FAM20A: variants seen among roughly 807,000 people sequenced by gnomAD.
The protein encoded by FAM20A is FAM20A golgi associated secretory pathway pseudokinase, also known as pseudokinase FAM20A.
FAM20A carries 42 observed loss-of-function variants against 52.0 expected under a neutral mutation model. That is an observed-to-expected ratio of 0.81 (90% CI 0.63 to 1.04). The LOEUF (loss-of-function observed/expected upper bound fraction) is 1.04. Among genes scored for constraint, FAM20A ranks in the 50% least tolerant of loss-of-function variants. The pLI is 0.00. For missense variants in FAM20A, 742 were observed against 712.7 expected (o/e 1.04, Z -0.47); for synonymous variants, 304 against 298.9 (o/e 1.02, Z -0.18).
At chr17:68,563,307 A>G (rs1006312153) in intron 1 of FAM20A, among the ~76,000 whole-genome samples, 1 of 148,810 alleles carries the variant, frequency 6.7e-6, no homozygotes, top group African/African-American at 2.5e-5. Context: ...AATTGCTTGA[A>G]CTCGGGAGGC....
chr17:68,588,930 C>A (rs951745200), intron 1 of FAM20A, among the ~76,000 whole-genome samples: 9 of 152,238 alleles, frequency 5.9e-5, no homozygotes, highest in Admixed American at 4.6e-4. Context: ...CACTGCTGGA[C>A]AACTCACCAG....
Position 68,600,720 on chromosome 17 carries a change from G to C in FAM20A, c.-54C>G, listed in dbSNP as rs1342425135. ...GCAGGCCGGCTGTCTCCGGGGTCCC[G>C]GGAGGGGTCGCGGGGTGCGGGCAGA... is the stretch of plus-strand genomic sequence containing the variant. On this transcript the variant is annotated 5_prime_UTR_variant, in exon 1 of 11. Coordinates refer to ENST00000592554, the MANE Select transcript of FAM20A (RefSeq NM_017565.4). The surrounding 1 kb of genome is among the most constrained non-coding windows in gnomAD (Gnocchi z 6.2). 1 of 1,514,426 alleles carries C rather than the reference G, an allele frequency of 6.6e-7. No homozygotes were observed. Among genetic ancestry groups the C allele is most frequent in the Non-Finnish European group, 8.8e-7 (1 of 1,137,110 alleles). The allele number at this position is 1,514,426 out of a possible 1,614,324, so 93.8% of individuals were successfully genotyped here.
chr17:68,535,325 T>C lies in FAM20A; in HGVS notation c.*2152A>G. The C allele has an allele frequency of 2.2e-6, 1 of 454,108 alleles. No homozygotes were observed. Among genetic ancestry groups the C allele is most frequent in the Non-Finnish European group, 4.4e-6 (1 of 226,788 alleles). The allele number at this position is 454,108 out of a possible 1,614,324, so 28.1% of individuals were successfully genotyped here. A position where few individuals can be genotyped will look rare whatever the true frequency, so the allele number is the denominator to read the frequency against. On this transcript the variant is annotated 3_prime_UTR_variant, in exon 11 of 11. Coordinates refer to ENST00000592554, the MANE Select transcript of FAM20A (RefSeq NM_017565.4). ...CATATCATGGTGAAATTCAAGCCTA[T>C]TGCTTTCTGTTTGTAGAGTGCAGCA...
intron 1 of FAM20A, among the ~76,000 whole-genome samples, chr17:68,560,330 C>T (rs1197151786): frequency 1.5e-5 from 2 of 135,572 alleles, no homozygotes; most frequent in African/African-American, 2.9e-5. Context: ...GGCGACAGAG[C>T]GAAACTCCAT....
chr17:68,573,434 CTCTT>C (rs201984571), intron 1 of FAM20A, among the ~76,000 whole-genome samples: 13,490 of 135,628 alleles, frequency 0.099, 1,225 homozygotes, highest in African/African-American at 0.25. Context: ...TCTTTCCTTT[CTCTT>C]TCTTTCTTTC....
chr17:68,544,146 G>A (rs1273687396), intron 4 of FAM20A, among the ~76,000 whole-genome samples: 1 of 152,174 alleles, frequency 6.6e-6, no homozygotes, highest in East Asian at 1.9e-4. Flanking sequence ...CCAGGAATTG[G>A]TAATGGAAAA....
Position 68,536,042 on chromosome 17 carries a change from A to G in FAM20A, c.*1435T>C, listed in dbSNP as rs911687181. The G allele has an allele frequency of 2.2e-6, 1 of 453,990 alleles. No homozygotes were observed. Among genetic ancestry groups the G allele is most frequent in the Non-Finnish European group, 4.4e-6 (1 of 226,810 alleles). The allele number at this position is 453,990 out of a possible 1,614,324, so 28.1% of individuals were successfully genotyped here. A position where few individuals can be genotyped will look rare whatever the true frequency, so the allele number is the denominator to read the frequency against. On this transcript the variant is annotated 3_prime_UTR_variant, in exon 11 of 11. Transcript: ENST00000592554. ...CTTCTGTAGCGTTGGTGAGTGCCTC[A>G]CCTGGTCAGATCTCAGTGAATGGTA...
chr17:68,551,600 C>T (rs1164006991), intron 4 of FAM20A, among the ~76,000 whole-genome samples: 1 of 151,924 alleles, frequency 6.6e-6, no homozygotes, highest in East Asian at 1.9e-4. Context: ...GGCTCATAAG[C>T]TTGCCCGTGA....
At chr17:68,558,795 G>A (rs2087127880) in intron 1 of FAM20A, among the ~76,000 whole-genome samples, 1 of 149,798 alleles carries the variant, frequency 6.7e-6, no homozygotes, top group Admixed American at 6.7e-5. Context: ...TTTTGCTCTT[G>A]TTGCCTAGGC....
chr17:68,565,664 G>A (rs1283572049), intron 1 of FAM20A, among the ~76,000 whole-genome samples: 1 of 152,066 alleles, frequency 6.6e-6, no homozygotes, highest in Non-Finnish European at 1.5e-5. Context: ...AAAGTGCTGG[G>A]ATTACAGGCA....
In FAM20A at chr17:68,554,758, G is replaced by T. The variant is rs1304647486; in HGVS notation, c.640+19C>A. 1.2e-6 allele frequency: 2 copies of T among 1,612,290 alleles called. No homozygotes were observed. Among genetic ancestry groups the T allele is most frequent in the African/African-American group, 1.3e-5 (1 of 74,620 alleles). On this transcript the variant is annotated intron_variant, in intron 3 of 10. Transcript: ENST00000592554. ...GTGAGGGTGAAGAGGCTGGGTGGGG[G>T]TGGGGCTAGGTCACTTACTCTGGGT... is the stretch of plus-strand genomic sequence containing the variant.
intron 1 of FAM20A, among the ~76,000 whole-genome samples, chr17:68,583,370 G>A (rs2088068823): frequency 6.6e-6 from 1 of 152,102 alleles, no homozygotes; most frequent in Non-Finnish European, 1.5e-5. Flanking sequence ...GGGACTCTAG[G>A]AGAAAGCCCC....
chr17:68,572,006 ATAT>A (rs1355742693), intron 1 of FAM20A, among the ~76,000 whole-genome samples: 3 of 40,292 alleles, frequency 7.4e-5, no homozygotes, highest in African/African-American at 2.7e-4. Flanking sequence ...ATATATATAT[ATAT>A]ATATATATAT....
Position 68,600,709 on chromosome 17 carries a change from T to TC in FAM20A, c.-44dup, listed in dbSNP as rs2088601332. On this transcript the variant is annotated 5_prime_UTR_variant, in exon 1 of 11. Coordinates refer to ENST00000592554, the MANE Select transcript of FAM20A (RefSeq NM_017565.4). This position sits in a 1 kb window ranked among gnomAD's most constrained non-coding sequence, Gnocchi z 6.2. ...GGACGCCGGGGGCAGGCCGGCTGTC[T>TC]CCGGGGTCCCGGGAGGGGTCGCGGG... 3 of 1,522,840 alleles carry TC rather than the reference T, an allele frequency of 2.0e-6. No individual in the cohort carries two copies. The Admixed American group carries it at 6.0e-5, about 30-fold the overall frequency. The allele number at this position is 1,522,840 out of a possible 1,614,324, so 94.3% of individuals were successfully genotyped here.
intron 1 of FAM20A, among the ~76,000 whole-genome samples, chr17:68,562,102 G>T (rs1266544853): frequency 1.3e-5 from 2 of 152,210 alleles, no homozygotes; most frequent in African/African-American, 4.8e-5. Context: ...GGGATTACAG[G>T]CATAAGCCAC....
At chr17:68,574,632 CTT>C in intron 1 of FAM20A, among the ~76,000 whole-genome samples, 1 of 152,284 alleles carries the variant, frequency 6.6e-6, no homozygotes, top group East Asian at 1.9e-4. Context: ...GTACTGGTAA[CTT>C]TATCCTTTAC....
chr17:68,600,684 G>T lies in FAM20A; in HGVS notation c.-18C>A, dbSNP rs1183349713. On this transcript the variant is annotated 5_prime_UTR_variant, in exon 1 of 11. Coordinates refer to ENST00000592554, the MANE Select transcript of FAM20A (RefSeq NM_017565.4). This position sits in a 1 kb window ranked among gnomAD's most constrained non-coding sequence, Gnocchi z 6.2. ...CCCGGCATGGCGTGCTGGCCAAGGG[G>T]GACGCCGGGGGCAGGCCGGCTGTCT... is the stretch of plus-strand genomic sequence containing the variant. 1.3e-5 allele frequency: 20 copies of T among 1,531,688 alleles called. No individual in the cohort carries two copies. The highest frequency in any genetic ancestry group is 1.7e-5 in the Non-Finnish European group (20 of 1,145,558). The allele number at this position is 1,531,688 out of a possible 1,614,324, so 94.9% of individuals were successfully genotyped here. A position where few individuals can be genotyped will look rare whatever the true frequency, so the allele number is the denominator to read the frequency against.
At chr17:68,592,746 C>T (rs1216628236) in intron 1 of FAM20A, among the ~76,000 whole-genome samples, 15 of 152,114 alleles carry the variant, frequency 9.9e-5, no homozygotes, top group African/African-American at 2.4e-5. Context: ...TTTTACTTTC[C>T]GTATTTTGCT....
chr17:68,538,857 G>A (rs911115666), intron 10 of FAM20A, among the ~76,000 whole-genome samples: 2 of 152,190 alleles, frequency 1.3e-5, no homozygotes, highest in Non-Finnish European at 2.9e-5. Context: ...CGTTGTGGGG[G>A]AAATTTTGAT....
Sources: gnomAD v4.1 joint callset for allele counts (sites outside exome capture counted in the v4.1 genomes callset) on GRCh38, gnomAD v4.1.1 for gene constraint, Gnocchi (gnomAD v3.1) non-coding constraint, MANE v1.5 for transcripts, NCBI Gene and HGNC (gene_info 2026-07-23, HGNC 2026-07-21) for gene names.